Variants in CTNNA3 observed in about 807,000 individuals in gnomAD.
CTNNA3 encodes the protein catenin alpha 3, also known as catenin alpha-3.
CTNNA3 carries 76 observed loss-of-function variants against 95.7 expected under a neutral mutation model. The observed-to-expected ratio is 0.79, with a 90% CI of 0.66 to 0.96. The LOEUF (loss-of-function observed/expected upper bound fraction) is 0.96. Ranked by LOEUF, CTNNA3 falls within the 40% of genes least tolerant of loss-of-function variation. CTNNA3 has a pLI of 0.00. For synonymous variants in CTNNA3, 431 were observed against 374.4 expected (o/e 1.15, Z -1.74); for missense variants, 1,191 against 1,089.8 (o/e 1.09, Z -1.31).
Position 66,493,734 on chromosome 10 carries a change from T to C in CTNNA3, c.1531+26883A>G, listed in dbSNP as rs543713426. Among the ~76,000 whole-genome samples, 7 of 149,506 alleles carry C rather than the reference T, an allele frequency of 4.7e-5. No homozygotes were observed. The South Asian group carries it at 1.1e-3, about 23-fold the overall frequency. ...CATTCTCCCGCCTCAGCCTCCCAAGTAGCTGGGATTACAGGCGCCCACCAC... is the reference window on the plus strand; with the variant it reads ...CATTCTCCCGCCTCAGCCTCCCAAGCAGCTGGGATTACAGGCGCCCACCAC... On this transcript the variant is annotated intron_variant, in intron 11 of 17. Coordinates refer to ENST00000433211, the MANE Select transcript of CTNNA3 (RefSeq NM_013266.4).
chr10:66,717,436 T>A (rs1053419200), intron 9 of CTNNA3, among the ~76,000 whole-genome samples: 1 of 152,198 alleles, frequency 6.6e-6, no homozygotes, highest in African/African-American at 2.4e-5. Flanking sequence ...GGTTTCAAAG[T>A]CTGTCTCCTA....
At chr10:66,484,069 A>G (rs1839639353) in intron 11 of CTNNA3, among the ~76,000 whole-genome samples, 1 of 152,114 alleles carries the variant, frequency 6.6e-6, no homozygotes, top group Non-Finnish European at 1.5e-5. Flanking sequence ...CTATAAGTAT[A>G]TTAGCACCCT....
At chr10:66,274,221 C>G (rs1413961105) in intron 13 of CTNNA3, among the ~76,000 whole-genome samples, 2 of 129,318 alleles carry the variant, frequency 1.5e-5, no homozygotes, top group Non-Finnish European at 3.2e-5. Flanking sequence ...ATGGCTGAGT[C>G]ACGTTTCAAT....
chr10:67,317,602 T>A (rs1841113819), intron 5 of CTNNA3, among the ~76,000 whole-genome samples: 1 of 152,102 alleles, frequency 6.6e-6, no homozygotes, highest in Non-Finnish European at 1.5e-5. Context: ...ATTTTTTGTA[T>A]TTTTAGTAGA....
chr10:66,854,287 G>A (rs1221244118), intron 7 of CTNNA3, among the ~76,000 whole-genome samples: 2 of 140,124 alleles, frequency 1.4e-5, no homozygotes, highest in Non-Finnish European at 1.6e-5. Flanking sequence ...GTACAGATTT[G>A]TTAGGTGATC....
At chr10:66,614,268 G>T (rs1319705364) in intron 10 of CTNNA3, among the ~76,000 whole-genome samples, 3 of 152,032 alleles carry the variant, frequency 2.0e-5, no homozygotes, top group Non-Finnish European at 4.4e-5. Flanking sequence ...AACAAAGAAG[G>T]AAGGGGAATA....
chr10:66,116,909 G>C (rs1438812053), intron 13 of CTNNA3, among the ~76,000 whole-genome samples: 1 of 152,060 alleles, frequency 6.6e-6, no homozygotes, highest in Non-Finnish European at 1.5e-5. Context: ...AACAGCAAGG[G>C]GGAAGTCCGC....
At chr10:67,384,786 T>C (rs896999856) in intron 5 of CTNNA3, among the ~76,000 whole-genome samples, 3 of 152,170 alleles carry the variant, frequency 2.0e-5, no homozygotes, top group Admixed American at 6.5e-5. Context: ...AGGAAGAAAT[T>C]AGGCAGCTGC....
At chr10:67,269,927 G>C (rs1589110775) in intron 5 of CTNNA3, among the ~76,000 whole-genome samples, 1 of 152,032 alleles carries the variant, frequency 6.6e-6, no homozygotes, top group Non-Finnish European at 1.5e-5. Context: ...ACATTTGTAG[G>C]ACAACAACTC....
intron 7 of CTNNA3, among the ~76,000 whole-genome samples, chr10:66,867,703 G>T (rs929438489): frequency 6.6e-6 from 1 of 151,990 alleles, no homozygotes; most frequent in African/African-American, 2.4e-5. Context: ...GGAACAAAAA[G>T]CAAGTATCAA....
intron 5 of CTNNA3, among the ~76,000 whole-genome samples, chr10:67,430,820 T>TACACACACACACACACACACACAC (rs371146065): frequency 7.2e-6 from 1 of 138,770 alleles, no homozygotes. Flanking sequence ...CAAACATAAC[T>TACACACACACACACACACACACAC]ACACACACAC....
chr10:66,466,062 TAAAACAG>T (rs754932176), intron 11 of CTNNA3, among the ~76,000 whole-genome samples: 1 of 151,908 alleles, frequency 6.6e-6, no homozygotes, highest in African/African-American at 2.4e-5. Flanking sequence ...TACACTTGAG[TAAAACAG>T]ATAACCCTCC....
chr10:66,103,510 G>A (rs1177237537), intron 13 of CTNNA3, among the ~76,000 whole-genome samples: 1 of 152,088 alleles, frequency 6.6e-6, no homozygotes, highest in Non-Finnish European at 1.5e-5. Flanking sequence ...AACAAAATGT[G>A]GTGCATGTGT....
chr10:66,963,556 G>A (rs1849237495), intron 7 of CTNNA3, among the ~76,000 whole-genome samples: 1 of 152,080 alleles, frequency 6.6e-6, no homozygotes. Flanking sequence ...GTGATCAGAT[G>A]AACTGATCAC....
intron 12 of CTNNA3, among the ~76,000 whole-genome samples, chr10:66,288,682 C>A (rs544487308): frequency 6.6e-6 from 1 of 152,084 alleles, no homozygotes; most frequent in African/African-American, 2.4e-5. Context: ...ACAAAAAGTT[C>A]TATTGGACAG....
intron 1 of CTNNA3, among the ~76,000 whole-genome samples, chr10:67,757,733 T>A (rs1410829339): frequency 6.6e-6 from 1 of 152,202 alleles, no homozygotes; most frequent in Admixed American, 6.5e-5. Context: ...CTTTTGAGGT[T>A]TTGGGACTCA....
intron 13 of CTNNA3, among the ~76,000 whole-genome samples, chr10:66,108,045 A>G (rs1319328212): frequency 6.6e-6 from 1 of 152,068 alleles, no homozygotes; most frequent in African/African-American, 2.4e-5. Flanking sequence ...GAAACATGCT[A>G]TGAATGTCCA....
At chr10:66,754,236 T>C (rs1011033016) in intron 9 of CTNNA3, among the ~76,000 whole-genome samples, 1 of 152,192 alleles carries the variant, frequency 6.6e-6, no homozygotes, top group African/African-American at 2.4e-5. Flanking sequence ...ACATTTATAG[T>C]TGATTTATTT....
At position 67,391,405 on chromosome 10, in the gene CTNNA3, A is replaced by T. The variant is rs1844477473; in HGVS notation, c.579+130437T>A. On this transcript the variant is annotated intron_variant, in intron 5 of 17. Coordinates refer to ENST00000433211, the MANE Select transcript of CTNNA3 (RefSeq NM_013266.4). ...AAACCACTGCTCAAGGAAATAAAAG[A>T]GGATACAAACAAATGGAAGAACATT... 3.3e-5 allele frequency among the ~76,000 whole-genome samples: 5 copies of T among 152,112 alleles called. No homozygotes were observed. The South Asian group carries it at 1.0e-3, about 31-fold the overall frequency.
Sources: allele counts gnomAD v4.1 joint callset (sites outside exome capture counted in the v4.1 genomes callset), GRCh38; gene constraint gnomAD v4.1.1; transcripts MANE v1.5; gene names NCBI Gene and HGNC (gene_info 2026-07-23, HGNC 2026-07-21).